Variants in ZNF565 observed in about 807,000 individuals in gnomAD.
The protein encoded by ZNF565 is zinc finger protein 565.
Under a neutral mutation model 39.4 loss-of-function variants are expected in ZNF565, and 27 were observed. The observed-to-expected ratio is 0.69, with a 90% CI of 0.51 to 0.95. The LOEUF is 0.95. Ranked by LOEUF, ZNF565 falls within the 40% of genes least tolerant of loss-of-function variation. The pLI is 0.00. For synonymous variants in ZNF565, 185 were observed against 216.6 expected, an observed-to-expected ratio of 0.85 and a Z score of 1.28; for missense variants, 524 against 621.1, an observed-to-expected ratio of 0.84 and a Z score of 1.66.
At chr19:36,224,646 T>C (rs1317923448) in intron 1 of ZNF565, among the ~76,000 whole-genome samples, 2 of 152,242 alleles carry the variant, frequency 1.3e-5, no homozygotes, top group Non-Finnish European at 2.9e-5. Context: ...TGTTTATTTT[T>C]CTTTGTAAAT....
At chr19:36,188,153 G>A (rs892728183) in intron 4 of ZNF565, among the ~76,000 whole-genome samples, 5 of 150,434 alleles carry the variant, frequency 3.3e-5, no homozygotes. Flanking sequence ...TCAGGAGTTC[G>A]AGCCCAGCCT....
At chr19:36,234,159 C>G (rs962365981) in intron 1 of ZNF565, among the ~76,000 whole-genome samples, 6 of 152,062 alleles carry the variant, frequency 3.9e-5, no homozygotes, top group Non-Finnish European at 7.4e-5. Flanking sequence ...CCATTTAACG[C>G]TGAGTTGACA....
chr19:36,203,732 C>A (rs375835414), intron 1 of ZNF565, among the ~76,000 whole-genome samples: 29 of 152,138 alleles, frequency 1.9e-4, no homozygotes, highest in African/African-American at 6.7e-4. Context: ...CACACCACTA[C>A]GCCTGGCTGA....
Position 36,243,793 on chromosome 19 carries a change from T to C in ZNF565, c.55+1683A>G, listed in dbSNP as rs188605507. Among the ~76,000 whole-genome samples, 4 of 151,702 alleles carry C rather than the reference T, an allele frequency of 2.6e-5. No homozygotes were observed. The East Asian group carries it at 5.9e-4, about 22-fold the overall frequency. On this transcript the variant is annotated intron_variant, in intron 1 of 4. Transcript: ENST00000355114. ...CTTGGCTCAGTGCAGCCTTGACCCC[T>C]TGGGCTCAAGTGATTCTCCCACCTC...
chr19:36,194,483 G>T, intron 3 of ZNF565, 155 bp from the exon 4 acceptor site: 1 of 550,978 alleles, frequency 1.8e-6, no homozygotes, highest in Non-Finnish European at 3.1e-6. Context: ...CTTGTTTCTA[G>T]TTCCACAAAG....
At chr19:36,237,174 G>A in intron 1 of ZNF565, 1 of 1,614,168 alleles carries the variant, frequency 6.2e-7, no homozygotes, top group Non-Finnish European at 8.5e-7. Flanking sequence ...TGTAATGAAT[G>A]TGGGAAAGCT....
Position 36,245,432 on chromosome 19 carries a change from C to T in ZNF565, c.55+44G>A, listed in dbSNP as rs1056480243. On this transcript the variant is annotated intron_variant, in intron 1 of 4. Coordinates refer to the ZNF565 transcript ENST00000355114. This position sits in a 1 kb window ranked among gnomAD's most constrained non-coding sequence, Gnocchi z 4.4. Reference sequence around the variant, plus strand: ...CGCTTACGACGCCCACCCAGAAAATCCGGATCACATTTCCCGTGGTCCACC... The same window carrying T: ...CGCTTACGACGCCCACCCAGAAAATTCGGATCACATTTCCCGTGGTCCACC... 4.3e-6 allele frequency: 3 copies of T among 701,888 alleles called. No homozygotes were observed. The highest frequency in any genetic ancestry group is 1.7e-5 in the African/African-American group (1 of 57,240). 43.5% of individuals were successfully genotyped at this position (701,888 alleles called of 1,614,324 possible).
At chr19:36,237,534 A>T (rs1463250911) in intron 1 of ZNF565, 1 of 444,690 alleles carries the variant, frequency 2.2e-6, no homozygotes, top group African/African-American at 2.0e-5. Context: ...CAGCAGAGAT[A>T]ATGGTGAAAG....
intron 1 of ZNF565, chr19:36,235,770 G>A (rs1351673253): frequency 6.6e-6 from 1 of 152,130 alleles, no homozygotes; most frequent in Non-Finnish European, 1.5e-5. Flanking sequence ...AAAGAGCGTT[G>A]AATATAAGAA....
upstream of ZNF565, among the ~76,000 whole-genome samples, chr19:36,218,475 CT>C (rs756776418): frequency 2.0e-3 from 287 of 144,930 alleles, no homozygotes; most frequent in Middle Eastern, 3.5e-3. Flanking sequence ...ATTAATATTT[CT>C]TTTTTTTTTT....
At chr19:36,229,138 T>C (rs1977209427) in intron 1 of ZNF565, among the ~76,000 whole-genome samples, 2 of 152,250 alleles carry the variant, frequency 1.3e-5, no homozygotes, top group South Asian at 4.1e-4. Flanking sequence ...TCCTTTATAC[T>C]TTGTAAAACC....
At position 36,194,274 on chromosome 19, in the gene ZNF565, G is replaced by T. The variant is rs779151098; in HGVS notation, c.191C>A (p.Pro64His). 2.5e-6 allele frequency: 4 copies of T among 1,612,836 alleles called. No homozygotes were observed. In the Admixed American group the frequency reaches 6.7e-5, roughly 27 times the overall value. Residue 64 changes from proline to histidine, a missense_variant, in exon 4 of 5, where the codon CCC becomes CAC. Coordinates refer to ENST00000304116, the MANE Select transcript of ZNF565 (RefSeq NM_152477.5). ...VVSLLEQGKE[P>H]WMIANDVTGP... is the part of the protein sequence containing the mutation. ...TGTCACATCATTTGCAATCATCCAG[G>T]GCTCTTTCCCTTGCTCCAATAAGGA... is the stretch of plus-strand genomic sequence containing the variant.
chr19:36,195,292 G>C (rs1975716528), intron 2 of ZNF565, 136 bp from the exon 3 acceptor site: 2 of 1,046,252 alleles, frequency 1.9e-6, no homozygotes, highest in African/African-American at 1.6e-5. Context: ...TGCTTCAACA[G>C]TTAACAAGGT....
chr19:36,235,098 A>G (rs1977590038), intron 1 of ZNF565, among the ~76,000 whole-genome samples: 1 of 151,800 alleles, frequency 6.6e-6, no homozygotes, highest in South Asian at 2.1e-4. Context: ...AATCCCAGTT[A>G]CTCAGGAGGC....
chr19:36,234,073 G>T (rs567079703), intron 1 of ZNF565, among the ~76,000 whole-genome samples: 1 of 152,268 alleles, frequency 6.6e-6, no homozygotes, highest in East Asian at 1.9e-4. Flanking sequence ...TGAGATTAGG[G>T]AGTGGTGATG....
intron 4 of ZNF565, among the ~76,000 whole-genome samples, chr19:36,188,004 T>A (rs10424410): frequency 0.26 from 38,853 of 151,606 alleles, 5,208 homozygotes; most frequent in East Asian, 0.4. Context: ...ATCGTCATCT[T>A]GGAGATTTCA....
At chr19:36,237,202 C>T (rs776137773) in intron 1 of ZNF565, 1 of 1,614,096 alleles carries the variant, frequency 6.2e-7, no homozygotes, top group Non-Finnish European at 8.5e-7. Context: ...AGTTCTCAAC[C>T]CTTGCTCTGC....
chr19:36,198,385 G>A (rs1460674309), intron 2 of ZNF565, among the ~76,000 whole-genome samples: 1 of 152,144 alleles, frequency 6.6e-6, no homozygotes, highest in Non-Finnish European at 1.5e-5. Flanking sequence ...CAGGCACAGA[G>A]AGACAAACTG....
chr19:36,245,379 G>C lies in ZNF565; in HGVS notation c.55+97C>G, dbSNP rs552285891. The stretch of plus-strand genomic sequence containing the variant: ...TCTGATCTGGCGGGCTCGAAGGGAG[G>C]ACAGTCACTGCGACCCGGAAAGCTC... On this transcript the variant is annotated intron_variant, in intron 1 of 4. Transcript: ENST00000355114. This position sits in a 1 kb window ranked among gnomAD's most constrained non-coding sequence, Gnocchi z 4.4. 2.9e-5 allele frequency: 20 copies of C among 694,570 alleles called. No individual in the cohort carries two copies. In the African/African-American group the frequency reaches 3.0e-4, roughly 10 times the overall value. The allele number at this position is 694,570 out of a possible 1,614,324, so 43.0% of individuals were successfully genotyped here. A position where few individuals can be genotyped will look rare whatever the true frequency, so the allele number is the denominator to read the frequency against.
Sources: gnomAD v4.1 joint callset for allele counts (sites outside exome capture counted in the v4.1 genomes callset) on GRCh38, gnomAD v4.1.1 for gene constraint, Gnocchi (gnomAD v3.1) non-coding constraint, MANE v1.5 for transcripts, NCBI Gene and HGNC (gene_info 2026-07-23, HGNC 2026-07-21) for gene names.